The following DMXL1 variants were observed in gnomAD, a reference collection of about 807,000 sequenced individuals.
The protein encoded by DMXL1 is dmX-like protein 1.
Under a neutral mutation model 319.2 loss-of-function variants are expected in DMXL1, and 99 were observed. That is an observed-to-expected ratio of 0.31 (90% CI 0.26 to 0.37). DMXL1 has a LOEUF of 0.37. DMXL1 is among the 10% of genes least tolerant of loss of function. The pLI, the probability that DMXL1 is intolerant of heterozygous loss-of-function variation, is 1.00. For synonymous variants in DMXL1, 1,385 were observed against 1,235.2 expected (o/e 1.12, Z -2.54); for missense variants, 3,745 against 3,595.6 (o/e 1.04, Z -1.06).
At chr5:119,096,116 T>A (rs184019920) in intron 1 of DMXL1, among the ~76,000 whole-genome samples, 1 of 152,190 alleles carries the variant, frequency 6.6e-6, no homozygotes, top group Admixed American at 6.5e-5. Context: ...TTTAATATTT[T>A]TTGATAGAGT....
intron 1 of DMXL1, among the ~76,000 whole-genome samples, chr5:119,072,193 A>T (rs966204113): frequency 6.6e-6 from 1 of 152,164 alleles, no homozygotes; most frequent in African/African-American, 2.4e-5. Flanking sequence ...GAAAGAAAAA[A>T]AAGCCTTTTC....
intron 1 of DMXL1, among the ~76,000 whole-genome samples, chr5:119,088,898 T>G (rs955063500): frequency 6.6e-6 from 1 of 152,178 alleles, no homozygotes; most frequent in Non-Finnish European, 1.5e-5. Flanking sequence ...AATAGAGTTA[T>G]GAATAGGTTA....
At chr5:119,202,883 T>TATA (rs1561865418) in intron 32 of DMXL1, among the ~76,000 whole-genome samples, 19 of 71,530 alleles carry the variant, frequency 2.7e-4, no homozygotes, top group East Asian at 1.2e-3. Flanking sequence ...ATATATATAT[T>TATA]TTTATATATA....
intron 28 of DMXL1, among the ~76,000 whole-genome samples, chr5:119,184,570 C>G (rs1053548033): frequency 7.2e-5 from 11 of 152,092 alleles, no homozygotes; most frequent in African/African-American, 1.4e-4. Flanking sequence ...AGTAGTAAGT[C>G]TATCATGTGG....
intron 13 of DMXL1, among the ~76,000 whole-genome samples, chr5:119,137,022 A>G (rs989424704): frequency 1.3e-5 from 2 of 152,232 alleles, no homozygotes; most frequent in Non-Finnish European, 2.9e-5. Context: ...AGTTTGCACC[A>G]TGTGCCTGGA....
intron 29 of DMXL1, among the ~76,000 whole-genome samples, chr5:119,192,812 T>A (rs1261226013): frequency 1.3e-5 from 2 of 152,168 alleles, no homozygotes; most frequent in Non-Finnish European, 2.9e-5. Flanking sequence ...TCTTCATGAT[T>A]TGGGCATTTT....
At position 119,197,844 on chromosome 5, in the gene DMXL1, G is replaced by A; in HGVS notation, c.7633G>A (p.Gly2545Ser). ...TCTTCTCCGACGACTTGAAATCCAT[G>A]GTGGGCCACCTCAAAATTATATCGC... ...QVLLRRLEIH[G>S]GPPQNYIASH... The change falls in exon 32 of 44, where the codon GGT (glycine) becomes AGT (serine). Residue 2545 changes from glycine to serine, a missense_variant. Coordinates refer to ENST00000539542, the MANE Select transcript of DMXL1 (RefSeq NM_001290321.3). The A allele has an allele frequency of 6.2e-7, 1 of 1,614,120 alleles. No homozygotes were observed. Among genetic ancestry groups the A allele is most frequent in the Non-Finnish European group, 8.5e-7 (1 of 1,180,004 alleles).
Position 119,148,964 on chromosome 5 carries a change from C to T in DMXL1, c.3137C>T (p.Pro1046Leu). The T allele has an allele frequency of 6.2e-7, 1 of 1,613,920 alleles. No homozygotes were observed. The highest frequency in any genetic ancestry group is 8.5e-7 in the Non-Finnish European group (1 of 1,179,862). The stretch of plus-strand genomic sequence containing the variant: ...AGTAGTATAACTGTACCTGGTAGGC[C>T]TGTAGAAGTTAGCTGTGCACATACA... ...SNSSITVPGR[P>L]VEVSCAHTNR... Residue 1046 changes from proline (P) to leucine (L), a missense_variant, in exon 18 of 44, where the codon CCT becomes CTT. Physicochemically the swap from Pro to Leu is moderately conservative, Grantham distance 98 (BLOSUM62 -3). Transcript: ENST00000539542.
intron 34 of DMXL1, among the ~76,000 whole-genome samples, chr5:119,215,522 A>G (rs1202939525): frequency 6.6e-6 from 1 of 151,866 alleles, no homozygotes; most frequent in Admixed American, 6.6e-5. Context: ...TTGTAATTTT[A>G]GTAAAATTTT....
rs1024556215 is a variant in DMXL1, at chr5:119,113,454, G to C, written c.498-1021G>C. On this transcript the variant is annotated intron_variant, in intron 5 of 43. Transcript: ENST00000539542. ...GATGGGGTTTCATCATGTTGGCCAG[G>C]CTGGTCTCGAACTCCTGACCTTGTG... is the stretch of plus-strand genomic sequence containing the variant. Among the ~76,000 whole-genome samples, 3 of 152,260 alleles carry C rather than the reference G, an allele frequency of 2.0e-5. No homozygotes were observed. In the South Asian group the frequency reaches 6.2e-4, roughly 32 times the overall value.
intron 1 of DMXL1, among the ~76,000 whole-genome samples, chr5:119,076,206 C>T (rs530198227): frequency 3.3e-5 from 5 of 152,216 alleles, no homozygotes; most frequent in African/African-American, 1.2e-4. Flanking sequence ...CTCAGTGTTT[C>T]TAGCTAAGGG....
intron 39 of DMXL1, chr5:119,236,285 G>C (rs1220784540): frequency 6.6e-6 from 1 of 151,928 alleles, no homozygotes; most frequent in African/African-American, 2.4e-5. Flanking sequence ...TTACCACATA[G>C]GATTTAATTT....
At chr5:119,237,245 G>A in intron 39 of DMXL1, 77 bp from the exon 40 acceptor site, 1 of 766,544 alleles carries the variant, frequency 1.3e-6, no homozygotes, top group Non-Finnish European at 2.1e-6. Context: ...CAAAATATGG[G>A]TGTCACACTG....
In DMXL1 at chr5:119,239,034, A is replaced by T; in HGVS notation, c.8605A>T (p.Ser2869Cys). Residue 2869 changes from serine (S) to cysteine (C), a missense_variant, in exon 41 of 44, where the codon AGT becomes TGT. Ser to Cys is a moderately radical substitution (Grantham distance 112). This residue lies in a region of DMXL1 where 262 missense variants were observed against 320.5 expected (regional missense o/e 0.82). Coordinates refer to ENST00000539542, the MANE Select transcript of DMXL1 (RefSeq NM_001290321.3). ...NKTANDFVFVSSSSLIATAGL... is the reference protein window; with the variant it reads ...NKTANDFVFVCSSSLIATAGL... The stretch of plus-strand genomic sequence containing the variant: ...AACAGCCAATGATTTTGTCTTCGTT[A>T]GTTCCTCCTCTCTGATAGCTACAGC... 1.2e-6 allele frequency: 2 copies of T among 1,613,888 alleles called. No homozygotes were observed. Among genetic ancestry groups the T allele is most frequent in the Non-Finnish European group, 1.7e-6 (2 of 1,179,928 alleles).
At chr5:119,177,505 T>C in intron 27 of DMXL1, 21 bp downstream of exon 27, 2 of 1,572,074 alleles carry the variant, frequency 1.3e-6, no homozygotes, top group Non-Finnish European at 1.7e-6. Context: ...TATGTATAGA[T>C]CAGTTTTTTC....
chr5:119,148,161 A>G (rs1296618597), intron 17 of DMXL1, among the ~76,000 whole-genome samples: 1 of 152,192 alleles, frequency 6.6e-6, no homozygotes, highest in African/African-American at 2.4e-5. Flanking sequence ...GAATCTTCTC[A>G]GCATTTGTTA....
chr5:119,149,325 A>C lies in DMXL1; in HGVS notation c.3498A>C (p.Gly1166=). ...VGIGSKLFMY[G]PLAGKVQDQT... The stretch of plus-strand genomic sequence containing the variant: ...TTGGATCAAAACTTTTTATGTATGG[A>C]CCCCTGGCTGGCAAGGTACAAGACC... Residue 1166 remains glycine (G), a synonymous_variant, in exon 18 of 44, where the codon GGA becomes GGC. Transcript: ENST00000539542. The C allele has an allele frequency of 6.2e-7, 1 of 1,613,938 alleles. No individual in the cohort carries two copies. Among genetic ancestry groups the C allele is most frequent in the Non-Finnish European group, 8.5e-7 (1 of 1,179,898 alleles).
chr5:119,129,480 C>A, intron 10 of DMXL1, 57 bp downstream of exon 10: 1 of 1,271,210 alleles, frequency 7.9e-7, no homozygotes, highest in Non-Finnish European at 1.1e-6. Flanking sequence ...CAAACATTTT[C>A]ATATTAGGGT....
intron 35 of DMXL1, among the ~76,000 whole-genome samples, chr5:119,219,984 C>T (rs1361002132): frequency 2.0e-5 from 3 of 147,176 alleles, no homozygotes; most frequent in South Asian, 4.4e-4. Flanking sequence ...GCCCCTACAC[C>T]TTTTTTCTGT....
Sources: allele counts gnomAD v4.1 joint callset (sites outside exome capture counted in the v4.1 genomes callset), GRCh38; gene constraint gnomAD v4.1.1; regional missense constraint gnomAD v4.1.1; transcripts MANE v1.5; gene names NCBI Gene and HGNC (gene_info 2026-07-23, HGNC 2026-07-21).